CDH1: variants seen among roughly 807,000 people sequenced by gnomAD.
The protein encoded by CDH1 is cadherin 1.
Under a neutral mutation model 84.5 loss-of-function variants are expected in CDH1, and 35 were observed. That is an observed-to-expected ratio of 0.41 (90% confidence interval 0.32 to 0.55). CDH1 has a LOEUF of 0.55. Among genes scored for constraint, CDH1 ranks in the 20% least tolerant of loss-of-function variants. CDH1 has a pLI of 0.19. For synonymous variants in CDH1, 417 were observed against 439.0 expected (o/e 0.95, Z 0.63); for missense variants, 994 against 1,126.6 (o/e 0.88, Z 1.68).
chr16:68,793,533 A>G (rs1306971792), intron 2 of CDH1, among the ~76,000 whole-genome samples: 2 of 152,176 alleles, frequency 1.3e-5, no homozygotes, highest in African/African-American at 2.4e-5. Flanking sequence ...GCATCAGACT[A>G]CAGCTTCCGT....
intron 2 of CDH1, among the ~76,000 whole-genome samples, chr16:68,770,320 A>G (rs1410421840): frequency 2.0e-5 from 3 of 152,086 alleles, no homozygotes; most frequent in African/African-American, 7.2e-5. Context: ...TGTGCCTGGA[A>G]GGACCTCAGA....
chr16:68,814,921 TA>T (rs746677240), intron 9 of CDH1, among the ~76,000 whole-genome samples: 30,034 of 131,626 alleles, frequency 0.23, 4,216 homozygotes, highest in African/African-American at 0.42. Flanking sequence ...CTCCATCTCT[TA>T]AAAAAAAAAA....
intron 2 of CDH1, among the ~76,000 whole-genome samples, chr16:68,757,403 C>G (rs9646284): frequency 0.29 from 44,198 of 151,994 alleles, 6,498 homozygotes; most frequent in African/African-American, 0.31. Flanking sequence ...TTGAAACTTC[C>G]TGTAAGTTGT....
intron 2 of CDH1, among the ~76,000 whole-genome samples, chr16:68,776,868 T>C (rs570954753): frequency 6.6e-6 from 1 of 152,336 alleles, no homozygotes; most frequent in Admixed American, 6.5e-5. Flanking sequence ...AGTCCTGTTA[T>C]TTAGAGATTG....
Position 68,756,398 on chromosome 16 carries a change from C to T in CDH1, c.163+17987C>T, listed in dbSNP as rs898976325. On this transcript the variant is annotated intron_variant, in intron 2 of 15. Coordinates refer to ENST00000261769, the MANE Select transcript of CDH1 (RefSeq NM_004360.5). ...CAGGTGGGGTGGGGCCCTGAGTCAC[C>T]GACATTGAGAGGCCTCTCCTGGTAA... is the stretch of plus-strand genomic sequence containing the variant. Among the ~76,000 whole-genome samples the T allele has an allele frequency of 2.6e-5, 4 of 151,964 alleles. No homozygotes were observed. The East Asian group carries it at 5.8e-4, about 22-fold the overall frequency.
intron 6 of CDH1, 110 bp from the exon 7 acceptor site, chr16:68,811,574 C>T: frequency 1.1e-6 from 1 of 935,282 alleles, no homozygotes; most frequent in South Asian, 1.3e-5. Flanking sequence ...TGACACGGTA[C>T]CACCCCCATG....
chr16:68,744,501 C>T (rs529250703), intron 2 of CDH1, among the ~76,000 whole-genome samples: 4 of 152,218 alleles, frequency 2.6e-5, no homozygotes, highest in Admixed American at 2.6e-4. Context: ...ATCTCAGTGT[C>T]CCAGCTTGTT....
Position 68,829,693 on chromosome 16 carries a change from C to G in CDH1, c.2335C>G (p.Arg779Gly), listed in dbSNP as rs876660183. 1 of 1,614,106 alleles carries G rather than the reference C, an allele frequency of 6.2e-7. No homozygotes were observed. Among genetic ancestry groups the G allele is most frequent in the Non-Finnish European group, 8.5e-7 (1 of 1,180,006 alleles). Residue 779 changes from arginine to glycine, a missense_variant, in exon 15 of 16, where the codon CGG (arginine) becomes GGG (glycine). By Grantham distance (125) the Arg-to-Gly change is moderately radical (BLOSUM62 -2). Around this residue, in one of 3 missense-constraint regions of CDH1, gnomAD observed 769 missense variants for 881.8 expected, o/e 0.87. Coordinates refer to ENST00000261769, the MANE Select transcript of CDH1 (RefSeq NM_004360.5). ...CCAGCTGCACAGGGGCCTGGACGCT[C>G]GGCCTGAAGTGACTCGTAACGACGT... ...LSQLHRGLDA[R>G]PEVTRNDVAP...
chr16:68,766,107 A>G (rs887798233), intron 2 of CDH1, among the ~76,000 whole-genome samples: 8 of 152,148 alleles, frequency 5.3e-5, no homozygotes, highest in Admixed American at 1.3e-4. Flanking sequence ...AAAATACAGA[A>G]AATTAGCCGG....
chr16:68,827,715 C>T (rs1457679738), intron 13 of CDH1, among the ~76,000 whole-genome samples: 1 of 152,092 alleles, frequency 6.6e-6, no homozygotes, highest in Non-Finnish European at 1.5e-5. Flanking sequence ...AAAGTCCTCA[C>T]AGTGGCCCAT....
intron 11 of CDH1, among the ~76,000 whole-genome samples, chr16:68,821,347 C>T (rs965793785): frequency 4.6e-5 from 7 of 151,914 alleles, no homozygotes; most frequent in East Asian, 1.9e-4. Flanking sequence ...TGGTGGCATG[C>T]GCCTGTAGTC....
At chr16:68,825,938 C>T (rs1254745951) in intron 13 of CDH1, among the ~76,000 whole-genome samples, 1 of 151,328 alleles carries the variant, frequency 6.6e-6, no homozygotes, top group Non-Finnish European at 1.5e-5. Context: ...CACCTCAGAC[C>T]CCTGGGTGGC....
chr16:68,802,213 G>A (rs1239910891), intron 3 of CDH1, among the ~76,000 whole-genome samples: 1 of 152,214 alleles, frequency 6.6e-6, no homozygotes, highest in Non-Finnish European at 1.5e-5. Flanking sequence ...GGATCGGGTA[G>A]TGTAGAAGAG....
At chr16:68,812,666 C>T (rs1597895230) in intron 8 of CDH1, among the ~76,000 whole-genome samples, 3 of 152,184 alleles carry the variant, frequency 2.0e-5, no homozygotes, top group Admixed American at 2.0e-4. Context: ...AGGAAGACAT[C>T]TTATGAGAAT....
At chr16:68,829,625 C>T (rs1961422089) in intron 14 of CDH1, 29 bp from the exon 15 acceptor site, 1 of 1,612,142 alleles carries the variant, frequency 6.2e-7, no homozygotes, top group East Asian at 2.2e-5. Flanking sequence ...TCCTACTCTT[C>T]ATTGTACTTC....
intron 2 of CDH1, among the ~76,000 whole-genome samples, chr16:68,746,655 G>A (rs1359384753): frequency 6.6e-6 from 1 of 151,900 alleles, no homozygotes; most frequent in African/African-American, 2.4e-5. Context: ...TGCAAGGAGG[G>A]GTGGATGGGA....
intron 2 of CDH1, among the ~76,000 whole-genome samples, chr16:68,792,489 G>T (rs1960234682): frequency 6.6e-6 from 1 of 152,168 alleles, no homozygotes; most frequent in South Asian, 2.1e-4. Context: ...CTCCCAAAGG[G>T]CTGGGATTAT....
chr16:68,762,465 G>T (rs958824032), intron 2 of CDH1, among the ~76,000 whole-genome samples: 1 of 152,172 alleles, frequency 6.6e-6, no homozygotes, highest in Non-Finnish European at 1.5e-5. Context: ...TTAGGCTGCA[G>T]GGTTACCCCA....
chr16:68,817,028 T>A (rs1961006199), intron 10 of CDH1, among the ~76,000 whole-genome samples: 1 of 152,208 alleles, frequency 6.6e-6, no homozygotes, highest in Non-Finnish European at 1.5e-5. Context: ...GTCTTTAGTG[T>A]CTGTTTCCAG....
Sources: allele counts gnomAD v4.1 joint callset (sites outside exome capture counted in the v4.1 genomes callset), GRCh38; gene constraint gnomAD v4.1.1; regional missense constraint gnomAD v4.1.1; transcripts MANE v1.5; gene names NCBI Gene and HGNC (gene_info 2026-07-23, HGNC 2026-07-21).